ATP8A1: variants seen among roughly 807,000 people sequenced by gnomAD.
The protein encoded by ATP8A1 is ATPase phospholipid transporting 8A1.
ATP8A1 carries 90 observed loss-of-function variants against 177.7 expected under a neutral mutation model. The observed-to-expected ratio is 0.51, with a 90% CI of 0.43 to 0.60. ATP8A1 has a LOEUF of 0.60. ATP8A1 is among the 20% of genes least tolerant of loss of function. The probability of loss-of-function intolerance (pLI) is 0.00; values close to 1 mark genes in which losing one functional copy is unlikely to be tolerated. For synonymous variants in ATP8A1, 493 were observed against 485.9 expected (o/e 1.01, Z -0.19); for missense variants, 1,072 against 1,392.8 (o/e 0.77, Z 3.67).
intron 33 of ATP8A1, among the ~76,000 whole-genome samples, chr4:42,428,548 G>T (rs1463424452): frequency 2.6e-5 from 4 of 152,096 alleles, no homozygotes; most frequent in Admixed American, 2.0e-4. Context: ...CAAATAATTT[G>T]CCTGTCCTCC....
intron 33 of ATP8A1, among the ~76,000 whole-genome samples, chr4:42,433,228 G>A (rs1715502283): frequency 6.6e-6 from 1 of 152,140 alleles, no homozygotes; most frequent in Non-Finnish European, 1.5e-5. Flanking sequence ...GACAGCTTGG[G>A]GAACAGTAGT....
chr4:42,440,129 C>A (rs1716458449), intron 33 of ATP8A1, among the ~76,000 whole-genome samples: 2 of 152,148 alleles, frequency 1.3e-5, no homozygotes, highest in African/African-American at 4.8e-5. Flanking sequence ...TCACATCCAA[C>A]CTGTCCATCA....
chr4:42,510,093 A>G (rs1560405579), intron 22 of ATP8A1, among the ~76,000 whole-genome samples: 1 of 152,336 alleles, frequency 6.6e-6, no homozygotes, highest in East Asian at 1.9e-4. Flanking sequence ...GCTAATGACA[A>G]GACCAAAATC....
chr4:42,433,283 C>T (rs1299567387), intron 33 of ATP8A1, among the ~76,000 whole-genome samples: 3 of 122,392 alleles, frequency 2.5e-5, no homozygotes, highest in African/African-American at 1.0e-4. Flanking sequence ...CCAGCGCTCT[C>T]TTCTCTGTTA....
chr4:42,423,568 G>C lies in ATP8A1; in HGVS notation c.3212+49C>G, dbSNP rs572561396. On this transcript the variant is annotated intron_variant, in intron 34 of 36. Transcript: ENST00000381668. ...GATGTTACCAAGAGAGAAATCTGAG[G>C]ATGAATATGCATCTATATTTCTCCG... 8 of 1,290,392 alleles carry C rather than the reference G, an allele frequency of 6.2e-6. No homozygotes were observed. In the East Asian group the frequency reaches 1.9e-4, roughly 31 times the overall value. 79.9% of individuals were successfully genotyped at this position (1,290,392 alleles called of 1,614,324 possible).
At chr4:42,473,820 G>T (rs1424044276) in intron 25 of ATP8A1, among the ~76,000 whole-genome samples, 8 of 131,688 alleles carry the variant, frequency 6.1e-5, no homozygotes, top group African/African-American at 8.1e-5. Context: ...TAATTTTTGT[G>T]TTTTTTTTTT....
intron 1 of ATP8A1, among the ~76,000 whole-genome samples, chr4:42,652,668 A>C (rs1418093610): frequency 1.3e-5 from 2 of 152,118 alleles, no homozygotes; most frequent in Non-Finnish European, 2.9e-5. Context: ...GAGGTAACTG[A>C]ATCATGGGGG....
At chr4:42,499,953 G>A (rs929107424) in intron 24 of ATP8A1, among the ~76,000 whole-genome samples, 4 of 152,140 alleles carry the variant, frequency 2.6e-5, no homozygotes, top group Non-Finnish European at 5.9e-5. Context: ...TAGGTATAAG[G>A]GTTTATCATT....
rs554679368 is a variant in ATP8A1, at chr4:42,463,420, C to T, written c.2619+1270G>A. 4.6e-4 allele frequency among the ~76,000 whole-genome samples: 70 copies of T among 152,286 alleles called. No individual in the cohort carries two copies. In the South Asian group the frequency reaches 1.0e-2, roughly 22 times the overall value. On this transcript the variant is annotated intron_variant, in intron 27 of 36. Transcript: ENST00000381668. Reference sequence around the variant, plus strand: ...ACTGCCATCCATGTAAGATGCGACTCGCTCCTCCTTGCCTTCCTCCATGAT... The same window carrying T: ...ACTGCCATCCATGTAAGATGCGACTTGCTCCTCCTTGCCTTCCTCCATGAT...
At chr4:42,531,702 A>G (rs1727276978) in intron 20 of ATP8A1, among the ~76,000 whole-genome samples, 1 of 152,220 alleles carries the variant, frequency 6.6e-6, no homozygotes, top group African/African-American at 2.4e-5. Context: ...ATTTTAATAA[A>G]TGAATTCAGT....
intron 27 of ATP8A1, among the ~76,000 whole-genome samples, chr4:42,461,770 A>G (rs570899023): frequency 2.1e-4 from 32 of 152,202 alleles, no homozygotes; most frequent in Non-Finnish European, 4.3e-4. Context: ...AGAGCTCATA[A>G]AAAGACAAGA....
chr4:42,549,518 G>A (rs1729278831), intron 18 of ATP8A1, among the ~76,000 whole-genome samples: 1 of 152,164 alleles, frequency 6.6e-6, no homozygotes, highest in Non-Finnish European at 1.5e-5. Flanking sequence ...GGCCAGGTCT[G>A]GTGGCCATGC....
intron 20 of ATP8A1, among the ~76,000 whole-genome samples, chr4:42,525,911 T>A (rs1726626960): frequency 6.6e-6 from 1 of 152,142 alleles, no homozygotes; most frequent in African/African-American, 2.4e-5. Context: ...TCTTTTCATT[T>A]TTCAGTGATG....
chr4:42,579,695 A>T, intron 11 of ATP8A1, 118 bp downstream of exon 11: 1 of 925,370 alleles, frequency 1.1e-6, no homozygotes, highest in Non-Finnish European at 1.6e-6. Flanking sequence ...TCAAATGTCC[A>T]GCTATCTTGG....
chr4:42,431,687 G>T (rs897362896), intron 33 of ATP8A1, among the ~76,000 whole-genome samples: 1 of 152,104 alleles, frequency 6.6e-6, no homozygotes, highest in African/African-American at 2.4e-5. Flanking sequence ...GGTTCTTTCT[G>T]GCTCTGACCC....
intron 33 of ATP8A1, among the ~76,000 whole-genome samples, chr4:42,433,365 A>C (rs1362576040): frequency 1.3e-5 from 2 of 152,168 alleles, no homozygotes; most frequent in African/African-American, 4.8e-5. Context: ...TCCATGACAA[A>C]CTAGCTCTTC....
At position 42,578,388 on chromosome 4, in the gene ATP8A1, C is replaced by G; in HGVS notation, c.1001-1G>C. The G allele has an allele frequency of 6.2e-7, 1 of 1,609,962 alleles. No homozygotes were observed. Among genetic ancestry groups the G allele is most frequent in the Non-Finnish European group, 8.5e-7 (1 of 1,178,212 alleles). On this transcript the variant is annotated splice_acceptor_variant, in intron 11 of 36. Coordinates refer to ENST00000381668, the MANE Select transcript of ATP8A1 (RefSeq NM_006095.2). LOFTEE classifies it high-confidence loss of function. ...AGTCCAAAATTACTAGCGCCACCATCTGTTGGGAGAGGCAGGAAGAACGTC... is the reference window on the plus strand; with the variant it reads ...AGTCCAAAATTACTAGCGCCACCATGTGTTGGGAGAGGCAGGAAGAACGTC...
chr4:42,538,724 C>T (rs1275116535), intron 20 of ATP8A1, among the ~76,000 whole-genome samples: 2 of 152,096 alleles, frequency 1.3e-5, no homozygotes, highest in Non-Finnish European at 2.9e-5. Context: ...CTTACTCCTG[C>T]AAGAATGGCC....
Position 42,455,511 on chromosome 4 carries a change from T to C in ATP8A1, c.2694+14A>G. 6.2e-7 allele frequency: 1 copy of C among 1,613,498 alleles called. No individual in the cohort carries two copies. Among genetic ancestry groups the C allele is most frequent in the Non-Finnish European group, 8.5e-7 (1 of 1,179,676 alleles). ...ATTCAATGAAACAGGAATTATCAAA[T>C]GTCCTAAACTTACCACGTTATAGAG... On this transcript the variant is annotated intron_variant, in intron 28 of 36. Transcript: ENST00000381668.
Sources: allele counts gnomAD v4.1 joint callset (sites outside exome capture counted in the v4.1 genomes callset), GRCh38; gene constraint gnomAD v4.1.1; transcripts MANE v1.5; gene names NCBI Gene and HGNC (gene_info 2026-07-23, HGNC 2026-07-21).